PCDHA7: variants seen among roughly 807,000 people sequenced by gnomAD.
PCDHA7 encodes the protein protocadherin alpha-7.
A neutral mutation model predicts 57.2 loss-of-function variants in PCDHA7; 37 were observed. The observed-to-expected ratio is 0.65, with a 90% CI of 0.50 to 0.85. PCDHA7 has a LOEUF of 0.85. Ranked by LOEUF, PCDHA7 falls within the 40% of genes least tolerant of loss-of-function variation. PCDHA7 has a pLI of 0.00. For synonymous variants in PCDHA7, 553 were observed against 558.8 expected (o/e 0.99, Z 0.15); for missense variants, 1,188 against 1,241.8 (o/e 0.96, Z 0.65).
Position 140,884,117 on chromosome 5 carries a change from G to A in PCDHA7, c.2355+47379G>A, listed in dbSNP as rs782383006. 1 of 1,613,298 alleles carries A rather than the reference G, an allele frequency of 6.2e-7. No homozygotes were observed. The highest frequency in any genetic ancestry group is 1.7e-5 in the Admixed American group (1 of 60,006). On this transcript the variant is annotated intron_variant, in intron 1 of 3. Transcript: ENST00000525929. ...GTATGAATTGCAGCTGGCGGCGGTC[G>A]GCGCGCGCATCCCGTTCCGCGTGGG...
chr5:140,966,603 G>T, intron 1 of PCDHA7: 1 of 656,454 alleles, frequency 1.5e-6, no homozygotes, highest in East Asian at 3.4e-5. Context: ...AGGAGCCCTT[G>T]GGAGGGCCTA....
chr5:140,883,391 T>C (rs1301270294), intron 1 of PCDHA7: 8 of 1,614,052 alleles, frequency 5.0e-6, no homozygotes, highest in Non-Finnish European at 6.8e-6. Flanking sequence ...AATCAGTGTG[T>C]CCGATCGTGA....
intron 1 of PCDHA7, chr5:140,869,945 T>TC: frequency 6.2e-7 from 1 of 1,612,376 alleles, no homozygotes. Context: ...ACATACTCCT[T>TC]AATGTCAATT....
At chr5:140,851,653 A>G (rs1438249700) in intron 1 of PCDHA7, 1 of 911,018 alleles carries the variant, frequency 1.1e-6, no homozygotes, top group Non-Finnish European at 1.3e-6. Flanking sequence ...TCAAGAAGAC[A>G]TTCTCCTTTT....
At chr5:140,899,508 T>C (rs1389762615) in intron 1 of PCDHA7, among the ~76,000 whole-genome samples, 4 of 151,990 alleles carry the variant, frequency 2.6e-5, no homozygotes, top group Admixed American at 1.3e-4. Flanking sequence ...GATTTGCATA[T>C]ATTGCATCCC....
At chr5:140,962,494 A>T (rs1016662619) in intron 1 of PCDHA7, among the ~76,000 whole-genome samples, 4 of 152,130 alleles carry the variant, frequency 2.6e-5, no homozygotes, top group Admixed American at 2.6e-4. Context: ...CAATTTTCAG[A>T]CACCTCAGCC....
At chr5:140,932,471 A>G (rs1056932090) in intron 1 of PCDHA7, among the ~76,000 whole-genome samples, 11 of 152,050 alleles carry the variant, frequency 7.2e-5, no homozygotes, top group African/African-American at 1.7e-4. Flanking sequence ...TATAGGAAAT[A>G]GGATATCTCC....
chr5:140,885,213 AT>A (rs1364699535), intron 1 of PCDHA7, among the ~76,000 whole-genome samples: 44 of 152,178 alleles, frequency 2.9e-4, no homozygotes, highest in African/African-American at 1.0e-3. Context: ...CCCATGAAAA[AT>A]ATCTTGTGAT....
intron 2 of PCDHA7, chr5:140,982,212 C>A: frequency 2.1e-6 from 1 of 479,448 alleles, no homozygotes; most frequent in Non-Finnish European, 3.3e-6. Flanking sequence ...GTGAGCGCCA[C>A]ATGGCGTTAA....
At chr5:140,845,678 G>T (rs1374984475) in intron 1 of PCDHA7, among the ~76,000 whole-genome samples, 3 of 149,382 alleles carry the variant, frequency 2.0e-5, no homozygotes, top group Non-Finnish European at 4.5e-5. Flanking sequence ...CATTGGTAAA[G>T]GATTTGTTAT....
chr5:140,954,297 C>G (rs1369831854), intron 1 of PCDHA7, among the ~76,000 whole-genome samples: 1 of 152,298 alleles, frequency 6.6e-6, no homozygotes, highest in African/African-American at 2.4e-5. Context: ...TGGGTACATA[C>G]CCAGTAATGG....
chr5:141,008,731 A>G (rs570212555), intron 3 of PCDHA7, among the ~76,000 whole-genome samples: 88 of 152,328 alleles, frequency 5.8e-4, no homozygotes, highest in Non-Finnish European at 1.0e-3. Flanking sequence ...GTCCAACTAG[A>G]CTGTGAGCAC....
At chr5:140,853,125 C>T (rs2150528645) in intron 1 of PCDHA7, 31 of 553,956 alleles carry the variant, frequency 5.6e-5, no homozygotes, top group South Asian at 1.5e-4. Context: ...ATGATCCTCC[C>T]GCCTCAGCCT....
chr5:140,925,640 G>GAA (rs1554202829), intron 1 of PCDHA7, among the ~76,000 whole-genome samples: 1 of 75,086 alleles, frequency 1.3e-5, no homozygotes, highest in Non-Finnish European at 2.8e-5. Context: ...AGAACTTAAA[G>GAA]TATAATAATA....
At chr5:140,871,976 C>A (rs2053421346) in intron 1 of PCDHA7, among the ~76,000 whole-genome samples, 1 of 152,206 alleles carries the variant, frequency 6.6e-6, no homozygotes, top group Non-Finnish European at 1.5e-5. Context: ...CCTATGATGT[C>A]CAGGTTGGAC....
At chr5:140,903,313 C>G (rs974760383) in intron 1 of PCDHA7, among the ~76,000 whole-genome samples, 2 of 152,088 alleles carry the variant, frequency 1.3e-5, no homozygotes, top group South Asian at 4.1e-4. Context: ...ACAATAAAGA[C>G]AGCATTTTTA....
chr5:140,841,942 G>T (rs2150326049), intron 1 of PCDHA7: 2 of 1,613,920 alleles, frequency 1.2e-6, no homozygotes, highest in Non-Finnish European at 1.7e-6. Flanking sequence ...ACGCTCCTGC[G>T]CACCACTTAT....
rs2096251750 is a variant in PCDHA7 at position 140,968,509 on chromosome 5, C to T, written c.2356-10440C>T. 3 of 1,614,162 alleles carry T rather than the reference C, an allele frequency of 1.9e-6. No individual in the cohort carries two copies. In the South Asian group the frequency reaches 3.3e-5, roughly 18 times the overall value. On this transcript the variant is annotated intron_variant, in intron 1 of 3. Coordinates refer to ENST00000525929, the MANE Select transcript of PCDHA7 (RefSeq NM_018910.3). Reference sequence around the variant, plus strand: ...ATGACCATGCCCCTCACATTCTGTACCCTACCTCAACCAACTCGTCAGCAG... The same window carrying T: ...ATGACCATGCCCCTCACATTCTGTATCCTACCTCAACCAACTCGTCAGCAG...
chr5:140,957,717 A>G (rs2095377934), intron 1 of PCDHA7, among the ~76,000 whole-genome samples: 1 of 152,166 alleles, frequency 6.6e-6, no homozygotes, highest in African/African-American at 2.4e-5. Context: ...TTATTAAGAA[A>G]GAAGCAGAAT....
Sources: allele counts gnomAD v4.1 joint callset (sites outside exome capture counted in the v4.1 genomes callset), GRCh38; gene constraint gnomAD v4.1.1; transcripts MANE v1.5; gene names NCBI Gene and HGNC (gene_info 2026-07-23, HGNC 2026-07-21).